The following IPMK variants were observed in gnomAD, a reference collection of about 807,000 sequenced individuals.
IPMK encodes the protein inositol 1,3,4,6-tetrakisphosphate 5-kinase.
IPMK carries 17 observed loss-of-function variants against 45.8 expected under a neutral mutation model. The ratio of observed to expected loss-of-function variants is 0.37; its 90% CI spans 0.25 to 0.56. The LOEUF (loss-of-function observed/expected upper bound fraction) is 0.56, where lower values mean the gene tolerates loss of function less well. Among genes scored for constraint, IPMK ranks in the 20% least tolerant of loss-of-function variants. IPMK has a pLI of 0.79. For missense variants in IPMK, 399 were observed against 498.0 expected (o/e 0.80, Z 1.89); for synonymous variants, 180 against 184.3 (o/e 0.98, Z 0.19).
chr10:58,208,162 G>A (rs544552866), intron 4 of IPMK, among the ~76,000 whole-genome samples: 4 of 152,072 alleles, frequency 2.6e-5, no homozygotes, highest in Non-Finnish European at 5.9e-5. Context: ...GGATGGTCTC[G>A]ATCTCCTGAC....
intron 1 of IPMK, among the ~76,000 whole-genome samples, chr10:58,250,897 T>C (rs1838871286): frequency 6.6e-6 from 1 of 152,206 alleles, no homozygotes; most frequent in African/African-American, 2.4e-5. Context: ...GATGTTGAAT[T>C]TTATCAAATG....
chr10:58,207,416 G>C (rs567882898), intron 4 of IPMK, among the ~76,000 whole-genome samples: 9 of 152,216 alleles, frequency 5.9e-5, no homozygotes, highest in African/African-American at 2.2e-4. Flanking sequence ...TTTTCCTTTG[G>C]GTACCCAGTA....
Position 58,195,301 on chromosome 10 carries a change from T to C in IPMK, c.*775A>G, listed in dbSNP as rs1301433768. 6.6e-6 allele frequency: 1 copy of C among 152,106 alleles called. No homozygotes were observed. Among genetic ancestry groups the C allele is most frequent in the Non-Finnish European group, 1.5e-5 (1 of 67,920 alleles). The allele number at this position is 152,106 out of a possible 1,614,324, so 9.4% of individuals were successfully genotyped here. A position where few individuals can be genotyped will look rare whatever the true frequency, so the allele number is the denominator to read the frequency against. On this transcript the variant is annotated 3_prime_UTR_variant, in exon 6 of 6. Transcript: ENST00000373935. ...ATACTTTCACAATGTAATAAATTTATATTCCAATTTTCTCATGAATGAAAG... is the reference window on the plus strand; with the variant it reads ...ATACTTTCACAATGTAATAAATTTACATTCCAATTTTCTCATGAATGAAAG...
chr10:58,216,202 T>C lies in IPMK; in HGVS notation c.489A>G (p.Gln163=). ...CCATTAATGGGTACTTGCTGACCTG[T>C]TGCTGAATCTTCTCAGATGAGGCAA... ...DPFASSEKIQ[Q]QVSKYPLMEE... is the part of the protein sequence containing the mutation. Residue 163 remains glutamine (Q), a synonymous_variant, in exon 4 of 6, where the codon CAA becomes CAG. Coordinates refer to ENST00000373935, the MANE Select transcript of IPMK (RefSeq NM_152230.5). 1 of 1,612,596 alleles carries C rather than the reference T, an allele frequency of 6.2e-7. No individual in the cohort carries two copies. Among genetic ancestry groups the C allele is most frequent in the East Asian group, 2.2e-5 (1 of 44,720 alleles).
chr10:58,232,450 C>T (rs573348912), intron 2 of IPMK, among the ~76,000 whole-genome samples: 17 of 152,144 alleles, frequency 1.1e-4, no homozygotes, highest in African/African-American at 3.4e-4. Flanking sequence ...CCTTAGCAAA[C>T]GTAAAAGAAC....
chr10:58,206,535 T>C (rs563236740), intron 4 of IPMK, among the ~76,000 whole-genome samples: 2 of 152,244 alleles, frequency 1.3e-5, no homozygotes, highest in African/African-American at 2.4e-5. Context: ...AGGGAAACAA[T>C]AAATCCCAGC....
At chr10:58,209,627 C>T (rs964626791) in intron 4 of IPMK, among the ~76,000 whole-genome samples, 2 of 152,230 alleles carry the variant, frequency 1.3e-5, no homozygotes, top group Non-Finnish European at 2.9e-5. Flanking sequence ...TCATGGATAA[C>T]AGCACCTGCT....
At chr10:58,225,441 G>A (rs1838398879) in intron 3 of IPMK, among the ~76,000 whole-genome samples, 1 of 152,002 alleles carries the variant, frequency 6.6e-6, no homozygotes, top group Non-Finnish European at 1.5e-5. Flanking sequence ...TAGTATTGAA[G>A]ACCAAAAAGG....
intron 1 of IPMK, among the ~76,000 whole-genome samples, chr10:58,243,887 GC>G (rs1838740265): frequency 1.3e-5 from 2 of 150,292 alleles, no homozygotes; most frequent in East Asian, 4.0e-4. Context: ...AGTGAGGAGC[GC>G]CTCTGCCCGG....
chr10:58,242,238 A>T (rs890205231), intron 1 of IPMK, among the ~76,000 whole-genome samples: 11 of 152,148 alleles, frequency 7.2e-5, no homozygotes, highest in Non-Finnish European at 1.6e-4. Context: ...AAAAGACATC[A>T]CGAGGTAAGG....
intron 1 of IPMK, among the ~76,000 whole-genome samples, chr10:58,262,946 T>A (rs910327261): frequency 1.3e-5 from 2 of 152,146 alleles, no homozygotes; most frequent in Non-Finnish European, 2.9e-5. Flanking sequence ...AAATCACAAT[T>A]TTGTAACTAT....
intron 3 of IPMK, among the ~76,000 whole-genome samples, chr10:58,221,035 A>G (rs1750046747): frequency 6.6e-6 from 1 of 152,236 alleles, no homozygotes; most frequent in Non-Finnish European, 1.5e-5. Flanking sequence ...CAAAATTAAA[A>G]GATGTATTCA....
At chr10:58,213,182 T>A (rs1049045501) in intron 4 of IPMK, 1 of 152,130 alleles carries the variant, frequency 6.6e-6, no homozygotes, top group African/African-American at 2.4e-5. Context: ...GAGTTCAAGA[T>A]GTCTTTAAGC....
chr10:58,246,022 G>C (rs538506187), intron 1 of IPMK, among the ~76,000 whole-genome samples: 1,619 of 131,370 alleles, frequency 0.012, 135 homozygotes, highest in African/African-American at 0.055. Flanking sequence ...GACAAACAGA[G>C]AGCCAAATCA....
intron 1 of IPMK, among the ~76,000 whole-genome samples, 168 bp downstream of exon 1, chr10:58,267,254 C>T (rs1839161345): frequency 2.0e-5 from 3 of 152,222 alleles, no homozygotes; most frequent in Non-Finnish European, 1.5e-5. Context: ...TTTCCGAGCC[C>T]CTTCTGCTCG....
intron 1 of IPMK, among the ~76,000 whole-genome samples, chr10:58,253,925 CTGAGA>C (rs1211923022): frequency 5.9e-5 from 9 of 152,118 alleles, no homozygotes; most frequent in Admixed American, 5.2e-4. Flanking sequence ...GCTCCATTGA[CTGAGA>C]TATGTTTCCT....
At chr10:58,211,065 A>G (rs1838151453) in intron 4 of IPMK, among the ~76,000 whole-genome samples, 1 of 152,254 alleles carries the variant, frequency 6.6e-6, no homozygotes, top group African/African-American at 2.4e-5. Flanking sequence ...GAATTATAAA[A>G]TAACAAAACT....
At chr10:58,197,128 G>A (rs1230435771) in intron 5 of IPMK, among the ~76,000 whole-genome samples, 2 of 150,744 alleles carry the variant, frequency 1.3e-5, no homozygotes, top group African/African-American at 2.4e-5. Flanking sequence ...GTGAAACCCC[G>A]TCTCTACTAA....
rs200237755 is a variant in IPMK, at chr10:58,216,125, A to G, written c.546+20T>C. 11 of 1,529,020 alleles carry G rather than the reference A, an allele frequency of 7.2e-6. No individual in the cohort carries two copies. In the African/African-American group the frequency reaches 1.4e-4, roughly 20 times the overall value. The allele number at this position is 1,529,020 out of a possible 1,614,324, so 94.7% of individuals were successfully genotyped here. A position where few individuals can be genotyped will look rare whatever the true frequency, so the allele number is the denominator to read the frequency against. On this transcript the variant is annotated intron_variant, in intron 4 of 5. Coordinates refer to ENST00000373935, the MANE Select transcript of IPMK (RefSeq NM_152230.5). Reference sequence around the variant, plus strand: ...ACATGTACAGAGAAATGTGCATATTATACTAATAAGCACTCTTACCCTCAT... The same window carrying G: ...ACATGTACAGAGAAATGTGCATATTGTACTAATAAGCACTCTTACCCTCAT...
Sources: gnomAD v4.1 joint callset for allele counts (sites outside exome capture counted in the v4.1 genomes callset) on GRCh38, gnomAD v4.1.1 for gene constraint, MANE v1.5 for transcripts, NCBI Gene and HGNC (gene_info 2026-07-23, HGNC 2026-07-21) for gene names.